Variants in EXOC2 observed in about 807,000 individuals in gnomAD.
EXOC2 encodes the protein SEC5-like 1.
A neutral mutation model predicts 131.8 loss-of-function variants in EXOC2; 70 were observed. The ratio of observed to expected loss-of-function variants is 0.53; its 90% CI spans 0.44 to 0.65. EXOC2 has a LOEUF of 0.65. Among genes scored for constraint, EXOC2 ranks in the 30% least tolerant of loss-of-function variants. The pLI is 0.00. For synonymous variants in EXOC2, 411 were observed against 398.4 expected, an observed-to-expected ratio of 1.03 and a Z score of -0.38; for missense variants, 923 against 1,108.6, an observed-to-expected ratio of 0.83 and a Z score of 2.38.
intron 1 of EXOC2, among the ~76,000 whole-genome samples, chr6:683,137 C>T (rs796977044): frequency 1.3e-5 from 2 of 152,292 alleles, no homozygotes; most frequent in African/African-American, 2.4e-5. Context: ...CCAAGCTAAA[C>T]AGACTGACCT....
At chr6:664,342 G>C (rs1344481261) in intron 1 of EXOC2, among the ~76,000 whole-genome samples, 2 of 152,138 alleles carry the variant, frequency 1.3e-5, no homozygotes, top group Non-Finnish European at 2.9e-5. Context: ...TGGATGAGTA[G>C]AATCAATATT....
At chr6:678,997 T>C (rs1764278093) in intron 1 of EXOC2, 1 of 152,084 alleles carries the variant, frequency 6.6e-6, no homozygotes, top group African/African-American at 2.4e-5. Context: ...ATACATATAA[T>C]TTTAATTATA....
In EXOC2 at chr6:604,344, C is replaced by T. The variant is rs146032338; in HGVS notation, c.743-5119G>A. 5.1e-3 allele frequency among the ~76,000 whole-genome samples: 780 copies of T among 152,304 alleles called. 6 individuals are homozygous for T. Among genetic ancestry groups the T allele is most frequent in the African/African-American group, 0.018 (736 of 41,552 alleles). On this transcript the variant is annotated intron_variant, in intron 7 of 27. Transcript: ENST00000230449. Reference sequence around the variant, plus strand: ...CCTTTCTCACCTGCCACTCGCTCTACCTTCACTAGCAGCCACGTCACCCTC... The same window carrying T: ...CCTTTCTCACCTGCCACTCGCTCTATCTTCACTAGCAGCCACGTCACCCTC...
intron 11 of EXOC2, among the ~76,000 whole-genome samples, chr6:578,411 A>ATTTT (rs1758702864): frequency 6.6e-6 from 1 of 152,196 alleles, no homozygotes; most frequent in Admixed American, 6.5e-5. Context: ...GGAGGCAGAA[A>ATTTT]ATAAACCAAT....
chr6:569,389 AACTG>A (rs1758146592), intron 13 of EXOC2, among the ~76,000 whole-genome samples: 1 of 152,374 alleles, frequency 6.6e-6, no homozygotes, highest in African/African-American at 2.4e-5. Flanking sequence ...TGGCTTGAAG[AACTG>A]ACTATTTTTT....
At chr6:525,407 T>C (rs1219873632) in intron 23 of EXOC2, 1 of 152,196 alleles carries the variant, frequency 6.6e-6, no homozygotes, top group Non-Finnish European at 1.5e-5. Context: ...GACTAGAGGC[T>C]TTCCTCTAGA....
rs80099882 is a variant in EXOC2, at chr6:547,732, C to T, written c.2238+1443G>A. Reference sequence around the variant, plus strand: ...TGAATTTCAAAATATTCAAGACGGTCGATGAAAAAAAAATCCAAATTCTGA... The same window carrying T: ...TGAATTTCAAAATATTCAAGACGGTTGATGAAAAAAAAATCCAAATTCTGA... On this transcript the variant is annotated intron_variant, in intron 22 of 27. Coordinates refer to ENST00000230449, the MANE Select transcript of EXOC2 (RefSeq NM_018303.6). Among the ~76,000 whole-genome samples, 36 of 151,674 alleles carry T rather than the reference C, an allele frequency of 2.4e-4. 1 individual carries two copies. In the East Asian group the frequency reaches 6.8e-3, roughly 29 times the overall value.
At chr6:504,638 C>T (rs955589607) in intron 23 of EXOC2, among the ~76,000 whole-genome samples, 6 of 152,206 alleles carry the variant, frequency 3.9e-5, no homozygotes, top group Non-Finnish European at 8.8e-5. Context: ...CTACACCAAT[C>T]GTATGACCTT....
intron 25 of EXOC2, 97 bp downstream of exon 25, chr6:497,268 TAA>T (rs2127477077): frequency 4.5e-6 from 5 of 1,107,390 alleles, no homozygotes; most frequent in African/African-American, 1.6e-5. Flanking sequence ...GTAGATCCAT[TAA>T]AAGAAGCCTG....
chr6:658,059 T>G (rs1763221413), intron 1 of EXOC2, among the ~76,000 whole-genome samples: 1 of 152,188 alleles, frequency 6.6e-6, no homozygotes, highest in African/African-American at 2.4e-5. Flanking sequence ...TACTTTAATG[T>G]TATCTGTTTT....
intron 12 of EXOC2, among the ~76,000 whole-genome samples, chr6:574,356 T>C (rs749418073): frequency 1.2e-4 from 18 of 152,214 alleles, no homozygotes; most frequent in Non-Finnish European, 2.9e-5. Context: ...GTGCAAGTAG[T>C]GGCCTCATCA....
chr6:499,560 AC>A, intron 24 of EXOC2, 84 bp downstream of exon 24: 1 of 1,197,160 alleles, frequency 8.4e-7, no homozygotes, highest in Non-Finnish European at 1.2e-6. Context: ...AAAAAAGACC[AC>A]CATAGAAATA....
intron 25 of EXOC2, among the ~76,000 whole-genome samples, chr6:494,879 C>A (rs540262792): frequency 4.6e-5 from 7 of 151,980 alleles, no homozygotes; most frequent in Non-Finnish European, 7.4e-5. Flanking sequence ...AAATTGACTA[C>A]GAACATTCTT....
At chr6:634,897 G>A (rs1036006819) in intron 2 of EXOC2, among the ~76,000 whole-genome samples, 3 of 152,024 alleles carry the variant, frequency 2.0e-5, no homozygotes, top group Non-Finnish European at 2.9e-5. Flanking sequence ...TCCACCTCGC[G>A]AGAGAAATAC....
intron 13 of EXOC2, among the ~76,000 whole-genome samples, chr6:568,260 C>G (rs1318983808): frequency 6.6e-6 from 1 of 152,220 alleles, no homozygotes; most frequent in East Asian, 1.9e-4. Context: ...CTCGCTCAAT[C>G]AGTTGAAGGC....
chr6:614,962 AAC>A (rs1760907868), intron 6 of EXOC2, among the ~76,000 whole-genome samples: 2 of 152,160 alleles, frequency 1.3e-5, no homozygotes, highest in African/African-American at 4.8e-5. Context: ...ACATTTTAAA[AAC>A]ACAAAAAAGA....
intron 25 of EXOC2, among the ~76,000 whole-genome samples, chr6:494,409 A>G (rs1341526323): frequency 1.3e-5 from 2 of 151,018 alleles, no homozygotes; most frequent in South Asian, 2.1e-4. Flanking sequence ...TTCAGTGTGC[A>G]TATCATTAAC....
intron 21 of EXOC2, among the ~76,000 whole-genome samples, chr6:552,541 G>A (rs1342488844): frequency 6.6e-6 from 1 of 152,146 alleles, no homozygotes; most frequent in Non-Finnish European, 1.5e-5. Flanking sequence ...TCACAAATCT[G>A]TATCTAGATT....
At chr6:487,822 T>C (rs924384622) in intron 27 of EXOC2, among the ~76,000 whole-genome samples, 24 of 152,206 alleles carry the variant, frequency 1.6e-4, no homozygotes, top group African/African-American at 5.5e-4. Flanking sequence ...GGTTTAACAA[T>C]GTTCAATATT....
Sources: allele counts gnomAD v4.1 joint callset (sites outside exome capture counted in the v4.1 genomes callset), GRCh38; gene constraint gnomAD v4.1.1; transcripts MANE v1.5; gene names NCBI Gene and HGNC (gene_info 2026-07-23, HGNC 2026-07-21).